The following RIMS2 variants were observed in gnomAD, a reference collection of about 807,000 sequenced individuals.
RIMS2 encodes regulating synaptic membrane exocytosis 2, also known as regulating synaptic membrane exocytosis protein 2.
In RIMS2, 59 loss-of-function variants were observed where a neutral mutation model predicts 174.4. The ratio of observed to expected loss-of-function variants is 0.34; its 90% CI spans 0.27 to 0.42. The LOEUF (loss-of-function observed/expected upper bound fraction) is 0.42, where lower values mean the gene tolerates loss of function less well. RIMS2 is among the 10% of genes least tolerant of loss of function. The pLI is 1.00. For synonymous variants in RIMS2, 606 were observed against 572.5 expected, an observed-to-expected ratio of 1.06 and a Z score of -0.84; for missense variants, 1,620 against 1,666.3, an observed-to-expected ratio of 0.97 and a Z score of 0.48.
chr8:103,726,669 CCTTT>C (rs1332862820), intron 2 of RIMS2, among the ~76,000 whole-genome samples: 1 of 148,510 alleles, frequency 6.7e-6, no homozygotes, highest in South Asian at 2.1e-4. Context: ...TATTCACCTT[CCTTT>C]ATGTCCCTCA....
intron 19 of RIMS2, among the ~76,000 whole-genome samples, chr8:104,097,226 T>G (rs143240219): frequency 1.3e-5 from 2 of 152,326 alleles, no homozygotes; most frequent in East Asian, 3.9e-4. Context: ...TGAGATATAT[T>G]GAGGATAGGA....
At chr8:103,819,158 A>T in intron 3 of RIMS2, 1 of 1,036,220 alleles carries the variant, frequency 9.7e-7, no homozygotes, top group Non-Finnish European at 1.2e-6. Flanking sequence ...GCATCTATTC[A>T]TTGCATGTTT....
chr8:103,683,682 T>C (rs1218020868), intron 1 of RIMS2, among the ~76,000 whole-genome samples: 1 of 152,190 alleles, frequency 6.6e-6, no homozygotes, highest in Non-Finnish European at 1.5e-5. Flanking sequence ...GTATCAACAG[T>C]GTTGCAGTGG....
chr8:103,969,104 A>G (rs553174535), intron 15 of RIMS2, among the ~76,000 whole-genome samples: 1 of 151,782 alleles, frequency 6.6e-6, no homozygotes, highest in African/African-American at 2.4e-5. Flanking sequence ...ATAGAGGAGG[A>G]GTGTTTTCTT....
intron 3 of RIMS2, among the ~76,000 whole-genome samples, chr8:103,791,488 G>A (rs1393023388): frequency 1.3e-5 from 2 of 152,124 alleles, no homozygotes; most frequent in Non-Finnish European, 2.9e-5. Flanking sequence ...AAAGACCGTC[G>A]ATGCTAGGAA....
At chr8:103,632,731 ATTTTTTTT>A (rs61579273) in intron 1 of RIMS2, among the ~76,000 whole-genome samples, 51 of 70,420 alleles carry the variant, frequency 7.2e-4, no homozygotes, top group South Asian at 1.1e-3. Flanking sequence ...ATATTTATTG[ATTTTTTTT>A]TTTTTTTTTT....
chr8:103,694,274 G>C (rs894604559), intron 1 of RIMS2, among the ~76,000 whole-genome samples: 1 of 152,128 alleles, frequency 6.6e-6, no homozygotes, highest in Non-Finnish European at 1.5e-5. Flanking sequence ...CAGTAGTACG[G>C]GCCTCTGTTT....
intron 19 of RIMS2, among the ~76,000 whole-genome samples, chr8:104,178,102 C>G (rs561919578): frequency 1.3e-5 from 2 of 152,148 alleles, no homozygotes; most frequent in African/African-American, 2.4e-5. Flanking sequence ...TTCATACTTT[C>G]TTAGATCAGA....
chr8:103,553,006 A>G (rs1848739748), intron 1 of RIMS2, among the ~76,000 whole-genome samples: 2 of 152,196 alleles, frequency 1.3e-5, no homozygotes, highest in Admixed American at 1.3e-4. Flanking sequence ...TGGGACTGTA[A>G]ACTAGTTCAA....
At chr8:103,904,534 C>T (rs1294958820) in intron 4 of RIMS2, among the ~76,000 whole-genome samples, 8 of 151,984 alleles carry the variant, frequency 5.3e-5, no homozygotes, top group Non-Finnish European at 8.8e-5. Flanking sequence ...TCTACATCAG[C>T]GCTCAATGGA....
intron 3 of RIMS2, 135 bp from the exon 7 acceptor site, chr8:103,885,163 C>T (rs72681354): frequency 0.17 from 217,274 of 1,260,148 alleles, 20,931 homozygotes; most frequent in Non-Finnish European, 0.2. Flanking sequence ...ACCATTGTTA[C>T]GCTATGCCTT....
chr8:104,119,359 CAAAAACAAA>C (rs1007154702), intron 19 of RIMS2, among the ~76,000 whole-genome samples: 9 of 150,466 alleles, frequency 6.0e-5, no homozygotes, highest in South Asian at 2.1e-4. Context: ...GACTCCATCT[CAAAAACAAA>C]AAAAACAAAA....
At chr8:103,948,438 C>T (rs887022283) in intron 14 of RIMS2, among the ~76,000 whole-genome samples, 1 of 152,142 alleles carries the variant, frequency 6.6e-6, no homozygotes, top group Non-Finnish European at 1.5e-5. Flanking sequence ...ATTCATCAAC[C>T]TGTGAATGGA....
intron 19 of RIMS2, among the ~76,000 whole-genome samples, chr8:104,130,768 G>A (rs923004436): frequency 6.6e-6 from 1 of 152,106 alleles, no homozygotes; most frequent in Non-Finnish European, 1.5e-5. Flanking sequence ...TGGAGATTAG[G>A]TAAGACTTCA....
Position 103,952,001 on chromosome 8 carries a change from G to T in RIMS2, c.2702-9064G>T, listed in dbSNP as rs140661285. On this transcript the variant is annotated intron_variant, in intron 14 of 23. Coordinates refer to ENST00000504942, the Ensembl canonical transcript of RIMS2. ...AAAGCGGCCAGGAAGTTTGAACTGG[G>T]TGGAGCCCACCACAGCTCAGCAAGG... Among the ~76,000 whole-genome samples the T allele has an allele frequency of 9.1e-4, 139 of 152,326 alleles. No individual in the cohort carries two copies. In the East Asian group the frequency reaches 0.021, roughly 22 times the overall value.
intron 1 of RIMS2, among the ~76,000 whole-genome samples, chr8:103,502,160 A>G (rs1230480583): frequency 6.6e-6 from 1 of 152,134 alleles, no homozygotes; most frequent in Non-Finnish European, 1.5e-5. Flanking sequence ...TACGTTTCCC[A>G]TATTCTCCAC....
intron 3 of RIMS2, among the ~76,000 whole-genome samples, chr8:103,855,838 C>T (rs1010409071): frequency 6.6e-6 from 1 of 151,862 alleles, no homozygotes; most frequent in Non-Finnish European, 1.5e-5. Flanking sequence ...TTGTGGTTGT[C>T]GGGTGGAGTG....
At chr8:103,536,651 G>C (rs969976306) in intron 1 of RIMS2, among the ~76,000 whole-genome samples, 3 of 152,188 alleles carry the variant, frequency 2.0e-5, no homozygotes, top group East Asian at 3.9e-4. Flanking sequence ...GACACTGAAG[G>C]GGGAGGTGCT....
chr8:104,198,131 G>A (rs2099035175), intron 19 of RIMS2, among the ~76,000 whole-genome samples: 1 of 151,984 alleles, frequency 6.6e-6, no homozygotes, highest in Non-Finnish European at 1.5e-5. Flanking sequence ...TCCCAAAGAT[G>A]GTACAAAGGA....
Sources: allele counts gnomAD v4.1 joint callset (sites outside exome capture counted in the v4.1 genomes callset), GRCh38; gene constraint gnomAD v4.1.1; transcripts MANE v1.5; gene names NCBI Gene and HGNC (gene_info 2026-07-23, HGNC 2026-07-21).